The following MEMO1 variants were observed in gnomAD, a reference collection of about 807,000 sequenced individuals.
The protein encoded by MEMO1 is mediator of cell motility 1.
In MEMO1, 6 loss-of-function variants were observed where a neutral mutation model predicts 45.2. That is an observed-to-expected ratio of 0.13 (90% confidence interval 0.07 to 0.26). The LOEUF is 0.26. Ranked by LOEUF, MEMO1 falls within the 10% of genes least tolerant of loss-of-function variation. The pLI, the probability that MEMO1 is intolerant of heterozygous loss-of-function variation, is 1.00. For synonymous variants in MEMO1, 78 were observed against 124.3 expected (o/e 0.63, Z 2.48); for missense variants, 184 against 370.5 (o/e 0.50, Z 4.13).
intron 2 of MEMO1, among the ~76,000 whole-genome samples, chr2:31,986,358 G>A (rs1285021323): frequency 6.6e-6 from 1 of 152,106 alleles, no homozygotes; most frequent in Non-Finnish European, 1.5e-5. Context: ...TGTAGTCCCA[G>A]CCAGTCGGGA....
At chr2:31,939,196 T>C (rs1665315433) in intron 3 of MEMO1, among the ~76,000 whole-genome samples, 2 of 152,158 alleles carry the variant, frequency 1.3e-5, no homozygotes, top group Non-Finnish European at 2.9e-5. Context: ...TTATAAAGTC[T>C]TCCTATGTTA....
intron 2 of MEMO1, among the ~76,000 whole-genome samples, chr2:31,994,176 G>C (rs1672290460): frequency 6.7e-6 from 1 of 149,534 alleles, no homozygotes; most frequent in Admixed American, 6.7e-5. Context: ...GGCCAGGCTG[G>C]TCTCGAACTC....
chr2:32,009,203 G>A (rs1674485083), intron 2 of MEMO1, among the ~76,000 whole-genome samples: 1 of 152,188 alleles, frequency 6.6e-6, no homozygotes, highest in Admixed American at 6.5e-5. Flanking sequence ...AACTCAACTC[G>A]CTCAAAGCTT....
At chr2:31,896,988 T>C (rs1231809430) in intron 6 of MEMO1, among the ~76,000 whole-genome samples, 4 of 152,190 alleles carry the variant, frequency 2.6e-5, no homozygotes, top group East Asian at 1.9e-4. Flanking sequence ...TTTGTAGCAA[T>C]TGTGAATGGG....
At position 32,010,358 on chromosome 2, in the gene MEMO1, A is replaced by C. The variant is rs1044247730; in HGVS notation, c.-17-94T>G. 2,730 of 519,982 alleles carry C rather than the reference A, an allele frequency of 5.3e-3. 23 individuals are homozygous for C. The highest frequency in any genetic ancestry group is 9.8e-3 in the Middle Eastern group (15 of 1,524). The allele number at this position is 519,982 out of a possible 1,614,324, so 32.2% of individuals were successfully genotyped here. A position where few individuals can be genotyped will look rare whatever the true frequency, so the allele number is the denominator to read the frequency against. On this transcript the variant is annotated intron_variant, in intron 1 of 9. Coordinates refer to ENST00000404530, the MANE Select transcript of MEMO1 (RefSeq NM_001301833.4). ...GACACCGCGGGCCCAGCCCAGGAGG[A>C]GGCGGCAGCGGGGAGGGGATCAGCC...
At position 31,878,556 on chromosome 2, in the gene MEMO1, G is replaced by A. The variant is rs1013099315; in HGVS notation, c.657+4830C>T. On this transcript the variant is annotated intron_variant, in intron 8 of 9. Transcript: ENST00000404530. ...TGGTGGGAAGAAAATCAGGAATTCCGTTTGGAATATGTTTAGTATGAGCTG... is the reference window on the plus strand; with the variant it reads ...TGGTGGGAAGAAAATCAGGAATTCCATTTGGAATATGTTTAGTATGAGCTG... Among the ~76,000 whole-genome samples, 29 of 152,114 alleles carry A rather than the reference G, an allele frequency of 1.9e-4. 1 individual carries two copies. Among genetic ancestry groups the A allele is most frequent in the East Asian group, 7.7e-4 (4 of 5,188 alleles).
At chr2:32,001,944 A>C (rs1331967714) in intron 2 of MEMO1, among the ~76,000 whole-genome samples, 1 of 151,798 alleles carries the variant, frequency 6.6e-6, no homozygotes, top group Non-Finnish European at 1.5e-5. Flanking sequence ...TCAGGAGATC[A>C]AGACCATCCT....
intron 2 of MEMO1, among the ~76,000 whole-genome samples, chr2:31,961,066 G>A (rs532029962): frequency 3.3e-5 from 5 of 152,240 alleles, no homozygotes; most frequent in Admixed American, 6.5e-5. Flanking sequence ...ATTCAAAAAG[G>A]AGGCAAGAGG....
intron 2 of MEMO1, among the ~76,000 whole-genome samples, chr2:32,001,677 T>G (rs1402337913): frequency 6.6e-6 from 1 of 152,078 alleles, no homozygotes; most frequent in East Asian, 1.9e-4. Flanking sequence ...AACAGTAAGC[T>G]TTAGCCAGAA....
intron 2 of MEMO1, among the ~76,000 whole-genome samples, chr2:31,983,169 G>A (rs1670860979): frequency 1.3e-5 from 2 of 152,088 alleles, no homozygotes; most frequent in Non-Finnish European, 2.9e-5. Context: ...GCTGAGGCAG[G>A]AGAATCGCTT....
At chr2:31,889,439 C>T (rs1390276076) in intron 7 of MEMO1, among the ~76,000 whole-genome samples, 2 of 151,748 alleles carry the variant, frequency 1.3e-5, no homozygotes, top group Non-Finnish European at 2.9e-5. Flanking sequence ...AAAGAAAAAC[C>T]ATTAAGTATT....
At chr2:31,914,624 CA>C (rs1330417739) in intron 6 of MEMO1, among the ~76,000 whole-genome samples, 3 of 151,878 alleles carry the variant, frequency 2.0e-5, no homozygotes, top group Non-Finnish European at 4.4e-5. Context: ...CATGCACCCA[CA>C]AAAATTAAAA....
chr2:31,899,682 A>G (rs765581089), intron 6 of MEMO1, among the ~76,000 whole-genome samples: 1 of 152,254 alleles, frequency 6.6e-6, no homozygotes, highest in Non-Finnish European at 1.5e-5. Context: ...AAATTGACAA[A>G]TGAGATCTAA....
chr2:31,965,273 GGAAGA>G (rs1668478101), intron 2 of MEMO1, among the ~76,000 whole-genome samples: 3 of 131,228 alleles, frequency 2.3e-5, no homozygotes, highest in Middle Eastern at 3.9e-3. Context: ...GGGAAGGAAG[GGAAGA>G]GAAGGGAAGG....
At chr2:31,962,803 T>C (rs563976914) in intron 2 of MEMO1, among the ~76,000 whole-genome samples, 45 of 152,316 alleles carry the variant, frequency 3.0e-4, no homozygotes, top group Middle Eastern at 3.4e-3. Context: ...TTGACTTAAC[T>C]GGACCAGAGG....
intron 2 of MEMO1, among the ~76,000 whole-genome samples, chr2:32,002,658 A>G (rs1266282850): frequency 6.6e-6 from 1 of 152,178 alleles, no homozygotes; most frequent in Non-Finnish European, 1.5e-5. Flanking sequence ...AATGGAGATA[A>G]TACCTACCTT....
At chr2:31,991,204 C>A (rs1459765225) in intron 2 of MEMO1, among the ~76,000 whole-genome samples, 3 of 152,068 alleles carry the variant, frequency 2.0e-5, no homozygotes, top group Non-Finnish European at 4.4e-5. Flanking sequence ...AAAGCAACCA[C>A]CTATAAGGGA....
intron 6 of MEMO1, among the ~76,000 whole-genome samples, chr2:31,906,966 T>C (rs532037564): frequency 6.6e-6 from 1 of 152,304 alleles, no homozygotes; most frequent in South Asian, 2.1e-4. Flanking sequence ...ACAAAAAACA[T>C]CTACAAACAG....
intron 2 of MEMO1, among the ~76,000 whole-genome samples, chr2:32,009,955 G>C (rs1302619811): frequency 6.6e-6 from 1 of 151,458 alleles, no homozygotes; most frequent in Non-Finnish European, 1.5e-5. Context: ...ACTCCGGAGA[G>C]CGTGAGGCCG....
Sources: allele counts gnomAD v4.1 joint callset (sites outside exome capture counted in the v4.1 genomes callset), GRCh38; gene constraint gnomAD v4.1.1; transcripts MANE v1.5; gene names NCBI Gene and HGNC (gene_info 2026-07-23, HGNC 2026-07-21).